SYT14: variants seen among roughly 807,000 people sequenced by gnomAD.
SYT14 encodes the protein synaptotagmin 14.
SYT14 carries 32 observed loss-of-function variants against 74.2 expected under a neutral mutation model. That is an observed-to-expected ratio of 0.43 (90% confidence interval 0.33 to 0.58). SYT14 has a LOEUF of 0.58. Among genes scored for constraint, SYT14 ranks in the 20% least tolerant of loss-of-function variants. The probability of loss-of-function intolerance (pLI) is 0.05; values close to 1 mark genes in which losing one functional copy is unlikely to be tolerated. For synonymous variants in SYT14, 298 were observed against 337.7 expected, an observed-to-expected ratio of 0.88 and a Z score of 1.29; for missense variants, 791 against 981.8, an observed-to-expected ratio of 0.81 and a Z score of 2.60.
chr1:210,134,425 A>G (rs1016181486), intron 7 of SYT14, among the ~76,000 whole-genome samples: 8 of 152,090 alleles, frequency 5.3e-5, no homozygotes, highest in Admixed American at 5.2e-4. Flanking sequence ...CTTGCTCTTA[A>G]CTATGCATTA....
chr1:210,080,493 A>G (rs2081597486), intron 5 of SYT14, among the ~76,000 whole-genome samples: 1 of 152,180 alleles, frequency 6.6e-6, no homozygotes. Flanking sequence ...ACAACAGAAA[A>G]TATAGTGTGA....
intron 2 of SYT14, among the ~76,000 whole-genome samples, chr1:209,953,602 A>G (rs952628572): frequency 3.3e-5 from 5 of 152,196 alleles, no homozygotes; most frequent in Non-Finnish European, 5.9e-5. Flanking sequence ...TATGAGAGGC[A>G]TGGCAGGAAA....
intron 5 of SYT14, among the ~76,000 whole-genome samples, chr1:210,032,818 C>T (rs1003129657): frequency 3.3e-5 from 5 of 151,854 alleles, no homozygotes; most frequent in Non-Finnish European, 7.4e-5. Context: ...TCCTAGTTTA[C>T]TCTTCCATGT....
intron 5 of SYT14, among the ~76,000 whole-genome samples, chr1:210,045,474 C>G (rs1376472445): frequency 6.6e-6 from 1 of 152,006 alleles, no homozygotes; most frequent in Non-Finnish European, 1.5e-5. Flanking sequence ...TTTTTGCGTT[C>G]AGATAAAATT....
intron 7 of SYT14, among the ~76,000 whole-genome samples, chr1:210,132,254 G>C (rs2082689380): frequency 6.6e-6 from 1 of 151,922 alleles, no homozygotes; most frequent in South Asian, 2.1e-4. Flanking sequence ...CTGCCCATCT[G>C]GGCTCTCTCC....
intron 2 of SYT14, among the ~76,000 whole-genome samples, chr1:209,983,077 T>G (rs932735232): frequency 6.6e-6 from 1 of 152,136 alleles, no homozygotes; most frequent in Non-Finnish European, 1.5e-5. Flanking sequence ...TAAGAGTTCT[T>G]TATATATTTT....
At chr1:209,962,530 A>G (rs572775764) in intron 2 of SYT14, among the ~76,000 whole-genome samples, 114 of 152,206 alleles carry the variant, frequency 7.5e-4, no homozygotes, top group Middle Eastern at 3.4e-3. Flanking sequence ...TCATGGAGCT[A>G]TATTTTCTTT....
At chr1:210,087,300 C>T (rs186119900) in intron 5 of SYT14, among the ~76,000 whole-genome samples, 6 of 152,304 alleles carry the variant, frequency 3.9e-5, no homozygotes, top group South Asian at 4.1e-4. Context: ...CAGATGCACA[C>T]CTTACCCTGC....
chr1:210,165,866 T>C (rs2083449977), exon 10 of SYT14: 1 of 152,242 alleles, frequency 6.6e-6, no homozygotes, highest in South Asian at 2.1e-4. Context: ...TCTTGTGTTA[T>C]GTATGGATTT....
exon 10 of SYT14, chr1:210,164,083 A>G: frequency 2.2e-6 from 1 of 453,054 alleles, no homozygotes; most frequent in South Asian, 1.6e-5. Context: ...ATTGCTGCCC[A>G]GTAAACAAAA....
At chr1:210,068,204 A>C (rs946338245) in intron 5 of SYT14, among the ~76,000 whole-genome samples, 1 of 151,870 alleles carries the variant, frequency 6.6e-6, no homozygotes, top group Non-Finnish European at 1.5e-5. Context: ...CATGGATTTT[A>C]TCTTTTAATC....
At chr1:209,995,763 A>G (rs1458604126) in intron 2 of SYT14, among the ~76,000 whole-genome samples, 1 of 152,166 alleles carries the variant, frequency 6.6e-6, no homozygotes, top group Middle Eastern at 3.2e-3. Flanking sequence ...ATTCAAAAAA[A>G]CTCAAATCAT....
At chr1:210,087,919 GAGA>G (rs893488622) in intron 5 of SYT14, among the ~76,000 whole-genome samples, 1 of 152,156 alleles carries the variant, frequency 6.6e-6, no homozygotes, top group Non-Finnish European at 1.5e-5. Context: ...TTTTCAGAAA[GAGA>G]AGAACAAAGG....
intron 2 of SYT14, among the ~76,000 whole-genome samples, chr1:209,964,558 C>T (rs1320529892): frequency 7.9e-5 from 12 of 151,942 alleles, no homozygotes; most frequent in Admixed American, 7.2e-4. Context: ...GTTTATTTTT[C>T]GATGAACTTT....
At chr1:209,954,945 A>G (rs961501037) in intron 2 of SYT14, among the ~76,000 whole-genome samples, 6 of 152,078 alleles carry the variant, frequency 3.9e-5, no homozygotes, top group Admixed American at 1.3e-4. Flanking sequence ...GCCTCAAGTG[A>G]TATGTCCACC....
intron 5 of SYT14, among the ~76,000 whole-genome samples, chr1:210,065,793 G>A (rs1431562487): frequency 6.6e-6 from 1 of 151,798 alleles, no homozygotes; most frequent in Non-Finnish European, 1.5e-5. Flanking sequence ...TGTTACATAT[G>A]TATACATGTG....
At chr1:210,155,610 C>T in intron 7 of SYT14, 111 bp from the exon 7 acceptor site, 1 of 1,166,006 alleles carries the variant, frequency 8.6e-7, no homozygotes, top group Non-Finnish European at 1.2e-6. Flanking sequence ...TGGTTTGCAA[C>T]TCATCTTTAT....
chr1:210,100,178 G>A lies in SYT14; in HGVS notation c.1751G>A (p.Gly584Asp), dbSNP rs149544914. Residue 584 changes from glycine to aspartate, a missense_variant, in exon 7 of 10, where the codon GGT (glycine) becomes GAT (aspartate). Gly to Asp is a moderately conservative substitution (Grantham distance 94). Coordinates refer to ENST00000637265, the Ensembl canonical transcript of SYT14. The stretch of plus-strand genomic sequence containing the variant: ...GACATCCCAACATATAACAGGACAG[G>A]TGGCAACTCATGGCAAGTACACCTT... 783 of 1,614,036 alleles carry A rather than the reference G, an allele frequency of 4.9e-4. No individual in the cohort carries two copies. The highest frequency in any genetic ancestry group is 6.2e-4 in the Non-Finnish European group (737 of 1,179,990).
chr1:210,018,919 C>G (rs1046199933), intron 4 of SYT14, among the ~76,000 whole-genome samples: 1 of 151,876 alleles, frequency 6.6e-6, no homozygotes. Context: ...GGGCAGATCA[C>G]GAGGTCAAGA....
Sources: allele counts gnomAD v4.1 joint callset (sites outside exome capture counted in the v4.1 genomes callset), GRCh38; gene constraint gnomAD v4.1.1; transcripts MANE v1.5; gene names NCBI Gene and HGNC (gene_info 2026-07-23, HGNC 2026-07-21).